PRKAR2A: variants seen among roughly 807,000 people sequenced by gnomAD.
PRKAR2A encodes protein kinase cAMP-dependent type II regulatory subunit alpha.
Under a neutral mutation model 51.9 loss-of-function variants are expected in PRKAR2A, and 29 were observed. That is an observed-to-expected ratio of 0.56 (90% CI 0.42 to 0.76). The LOEUF (loss-of-function observed/expected upper bound fraction) is 0.76, where lower values mean the gene tolerates loss of function less well. Among genes scored for constraint, PRKAR2A ranks in the 30% least tolerant of loss-of-function variants. The pLI is 0.00. For synonymous variants in PRKAR2A, 178 were observed against 186.2 expected (o/e 0.96, Z 0.36); for missense variants, 445 against 512.1 (o/e 0.87, Z 1.26).
At chr3:48,799,189 C>T (rs1010317085) in intron 2 of PRKAR2A, among the ~76,000 whole-genome samples, 1 of 152,170 alleles carries the variant, frequency 6.6e-6, no homozygotes, top group South Asian at 2.1e-4. Context: ...TGTGTGATCC[C>T]CTACGCAACC....
chr3:48,808,827 T>C (rs1311455409), intron 1 of PRKAR2A, among the ~76,000 whole-genome samples: 1 of 91,544 alleles, frequency 1.1e-5, no homozygotes, highest in Non-Finnish European at 2.1e-5. Context: ...TGTATTTTTT[T>C]AGAGATGGAG....
intron 5 of PRKAR2A, among the ~76,000 whole-genome samples, chr3:48,778,244 G>A (rs978770225): frequency 1.3e-5 from 2 of 151,986 alleles, no homozygotes; most frequent in African/African-American, 4.8e-5. Context: ...ATCCATATCG[G>A]CCTCCCAAAG....
chr3:48,758,580 CAAAAAAAAA>C, intron 8 of PRKAR2A, among the ~76,000 whole-genome samples: 1 of 51,114 alleles, frequency 2.0e-5, no homozygotes, highest in Non-Finnish European at 4.0e-5. Context: ...AAGACTGTCT[CAAAAAAAAA>C]AAAAAAAAAA....
At chr3:48,791,127 A>C (rs1426617050) in intron 3 of PRKAR2A, among the ~76,000 whole-genome samples, 1 of 151,834 alleles carries the variant, frequency 6.6e-6, no homozygotes, top group Non-Finnish European at 1.5e-5. Flanking sequence ...TCTTTACTAA[A>C]AATAGAAAAA....
intron 1 of PRKAR2A, among the ~76,000 whole-genome samples, chr3:48,815,190 AC>A (rs879694672): frequency 1.1e-4 from 16 of 152,080 alleles, no homozygotes; most frequent in Non-Finnish European, 2.2e-4. Flanking sequence ...CTGGAATTAC[AC>A]GCGTTAGCCA....
intron 6 of PRKAR2A, among the ~76,000 whole-genome samples, chr3:48,766,937 C>T (rs575723663): frequency 6.6e-6 from 1 of 152,244 alleles, no homozygotes; most frequent in South Asian, 2.1e-4. Flanking sequence ...CTCAGCCTCC[C>T]AAGTAGCTGG....
At chr3:48,771,668 C>T (rs1575855609) in intron 6 of PRKAR2A, among the ~76,000 whole-genome samples, 2 of 152,158 alleles carry the variant, frequency 1.3e-5, no homozygotes, top group Middle Eastern at 6.8e-3. Flanking sequence ...ATCCTCCCAC[C>T]TCAACCTCCC....
intron 5 of PRKAR2A, among the ~76,000 whole-genome samples, chr3:48,779,356 G>A (rs1224168215): frequency 6.6e-6 from 1 of 152,118 alleles, no homozygotes; most frequent in East Asian, 1.9e-4. Flanking sequence ...TCTTTAAGTT[G>A]TGGACATGTA....
At chr3:48,845,912 C>A (rs1400675923) in intron 1 of PRKAR2A, among the ~76,000 whole-genome samples, 1 of 151,636 alleles carries the variant, frequency 6.6e-6, no homozygotes, top group East Asian at 1.9e-4. Flanking sequence ...TGCCACTACA[C>A]CCCAGCCTGG....
intron 1 of PRKAR2A, among the ~76,000 whole-genome samples, chr3:48,818,514 C>T (rs578237919): frequency 2.8e-4 from 42 of 152,158 alleles, no homozygotes; most frequent in African/African-American, 8.7e-4. Context: ...TTTGGGAGGC[C>T]AAGGCAGGGA....
chr3:48,821,232 C>T lies in PRKAR2A; in HGVS notation c.263-13548G>A, dbSNP rs149592467. On this transcript the variant is annotated intron_variant, in intron 1 of 10. Transcript: ENST00000265563. Reference sequence around the variant, plus strand: ...GAGATGACACAGAGCACTACTTACCCAGGGGCAGAAACTTCAACTCTAGGA... The same window carrying T: ...GAGATGACACAGAGCACTACTTACCTAGGGGCAGAAACTTCAACTCTAGGA... Among the ~76,000 whole-genome samples the T allele has an allele frequency of 3.1e-3, 476 of 152,244 alleles. 5 individuals carry two copies. The highest frequency in any genetic ancestry group is 0.011 in the African/African-American group (452 of 41,548).
intron 2 of PRKAR2A, among the ~76,000 whole-genome samples, chr3:48,802,598 G>A (rs1010783162): frequency 2.6e-5 from 4 of 152,098 alleles, no homozygotes; most frequent in Non-Finnish European, 5.9e-5. Context: ...CAGCTACTCA[G>A]AGGCTGAGGT....
chr3:48,765,724 C>CA (rs756566818), intron 6 of PRKAR2A, among the ~76,000 whole-genome samples: 533 of 45,198 alleles, frequency 0.012, 66 homozygotes, highest in Middle Eastern at 0.083. Flanking sequence ...ACCCTCATTT[C>CA]AAAAAAAAAA....
At chr3:48,846,318 C>T (rs906281947) in intron 1 of PRKAR2A, among the ~76,000 whole-genome samples, 1 of 151,506 alleles carries the variant, frequency 6.6e-6, no homozygotes, top group Non-Finnish European at 1.5e-5. Flanking sequence ...CAGGTTCAAG[C>T]GATTCTCCCT....
At position 48,847,397 on chromosome 3, in the gene PRKAR2A, C is replaced by T. The variant is rs1003045784; in HGVS notation, c.200G>A (p.Gly67Asp). ...TTTGGCGTCGGCGACACGGTCCGGG[C>T]CGGGTTCTGGCGGGGGGTGGCCCAG... ...QSLGHPPPEP[G>D]PDRVADAKGD... Residue 67 changes from glycine (G) to aspartate (D), a missense_variant, in exon 1 of 11, where the codon GGC (glycine) becomes GAC (aspartate). By Grantham distance (94) the Gly-to-Asp change is moderately conservative. Transcript: ENST00000265563. The surrounding 1 kb of genome is among the most constrained non-coding windows in gnomAD (Gnocchi z 4.4). The T allele has an allele frequency of 6.2e-7, 1 of 1,609,796 alleles. No homozygotes were observed. Among genetic ancestry groups the T allele is most frequent in the Non-Finnish European group, 8.5e-7 (1 of 1,178,244 alleles).
In PRKAR2A at chr3:48,752,395, G is replaced by A. The variant is rs577820045; in HGVS notation, c.940-78C>T. The A allele has an allele frequency of 4.2e-6, 6 of 1,432,546 alleles. No homozygotes were observed. In the African/African-American group the frequency reaches 8.6e-5, roughly 20 times the overall value. 88.7% of individuals were successfully genotyped at this position (1,432,546 alleles called of 1,614,324 possible). A position where few individuals can be genotyped will look rare whatever the true frequency, so the allele number is the denominator to read the frequency against. The stretch of plus-strand genomic sequence containing the variant: ...ATGTCCAGTTGCACACACATACACT[G>A]TTCTCAGCATACTCTACACAATTAC... On this transcript the variant is annotated intron_variant, in intron 9 of 10. Transcript: ENST00000265563.
At chr3:48,815,708 AAAG>A (rs1397980739) in intron 1 of PRKAR2A, among the ~76,000 whole-genome samples, 18 of 148,618 alleles carry the variant, frequency 1.2e-4, no homozygotes, top group East Asian at 4.0e-4. Context: ...AAAAAAAAAA[AAAG>A]AAGAAGAAAG....
Position 48,768,730 on chromosome 3 carries a change from G to A in PRKAR2A, c.697-3381C>T, listed in dbSNP as rs192850021. On this transcript the variant is annotated intron_variant, in intron 6 of 10. Coordinates refer to ENST00000265563, the MANE Select transcript of PRKAR2A (RefSeq NM_004157.4). ...ATAAATAAATATTAAAAAATACACA[G>A]AGGGCAGCAAAGTTAACTCCCAATA... is the stretch of plus-strand genomic sequence containing the variant. Among the ~76,000 whole-genome samples, 170 of 152,028 alleles carry A rather than the reference G, an allele frequency of 1.1e-3. No individual in the cohort carries two copies. The Middle Eastern group carries it at 0.017, about 15-fold the overall frequency.
intron 1 of PRKAR2A, among the ~76,000 whole-genome samples, chr3:48,840,757 T>C (rs2083366622): frequency 1.3e-5 from 2 of 149,532 alleles, no homozygotes; most frequent in South Asian, 4.3e-4. Flanking sequence ...TTTGTATTTT[T>C]AGTAGAGACG....
Sources: allele counts gnomAD v4.1 joint callset (sites outside exome capture counted in the v4.1 genomes callset), GRCh38; gene constraint gnomAD v4.1.1; non-coding constraint Gnocchi (gnomAD v3.1); transcripts MANE v1.5; gene names NCBI Gene and HGNC (gene_info 2026-07-23, HGNC 2026-07-21).